Variants in CRYL1 observed in about 807,000 individuals in gnomAD.
CRYL1 encodes lambda-crystallin homolog.
CRYL1 carries 29 observed loss-of-function variants against 36.6 expected under a neutral mutation model. The ratio of observed to expected loss-of-function variants is 0.79; its 90% CI spans 0.59 to 1.08. The LOEUF (loss-of-function observed/expected upper bound fraction) is 1.08. Among genes scored for constraint, CRYL1 ranks in the 50% least tolerant of loss-of-function variants. The probability of loss-of-function intolerance (pLI) is 0.00; values close to 1 mark genes in which losing one functional copy is unlikely to be tolerated. For synonymous variants in CRYL1, 152 were observed against 151.5 expected (o/e 1.00, Z -0.02); for missense variants, 411 against 407.9 (o/e 1.01, Z -0.06).
rs1002265359 is a variant in CRYL1, at chr13:20,525,663, G to A, written c.41+91C>T. 9 of 1,090,848 alleles carry A rather than the reference G, an allele frequency of 8.3e-6. No homozygotes were observed. In the African/African-American group the frequency reaches 1.2e-4, roughly 14 times the overall value. The allele number at this position is 1,090,848 out of a possible 1,614,324, so 67.6% of individuals were successfully genotyped here. On this transcript the variant is annotated intron_variant, in intron 1 of 7. Coordinates refer to ENST00000298248, the MANE Select transcript of CRYL1 (RefSeq NM_015974.3). The surrounding 1 kb of genome is among the most constrained non-coding windows in gnomAD (Gnocchi z 4.3). ...GAGGCCGGGGCGGGGACAGCGACCC[G>A]GCGCCCACCCCGAGGGCCCCACGCG... is the stretch of plus-strand genomic sequence containing the variant.
In CRYL1 at chr13:20,467,821, C is replaced by A. The variant is rs1029294754; in HGVS notation, c.276+21549G>T. On this transcript the variant is annotated intron_variant, in intron 3 of 7. Transcript: ENST00000298248. ...AATACTTCAACACAGGGGTCTGCAA[C>A]GCCCGGTGCCTCAGACTGGTACCGG... Among the ~76,000 whole-genome samples, 8 of 152,278 alleles carry A rather than the reference C, an allele frequency of 5.3e-5. No individual in the cohort carries two copies. In the South Asian group the frequency reaches 1.2e-3, roughly 24 times the overall value.
chr13:20,496,093 G>A (rs769315593), intron 2 of CRYL1, among the ~76,000 whole-genome samples: 21 of 152,144 alleles, frequency 1.4e-4, no homozygotes, highest in East Asian at 3.8e-4. Flanking sequence ...GACCCACCTC[G>A]CCCGGCCTAG....
At position 20,523,232 on chromosome 13, in the gene CRYL1, TAA is replaced by T. The variant is rs532700760; in HGVS notation, c.41+2520_41+2521del. ...ATGCCTGGACTTCTACTCCCATTTTTAAAAGTTATCACTACCAGATTTTCCTG... is the reference window on the plus strand; with the variant it reads ...ATGCCTGGACTTCTACTCCCATTTTTAAGTTATCACTACCAGATTTTCCTG... On this transcript the variant is annotated intron_variant, in intron 1 of 7. Transcript: ENST00000298248. 3.9e-5 allele frequency among the ~76,000 whole-genome samples: 6 copies of T among 152,128 alleles called. No individual in the cohort carries two copies. The South Asian group carries it at 1.2e-3, about 32-fold the overall frequency.
In CRYL1 at chr13:20,425,074, T is replaced by C. The variant is rs1290620081; in HGVS notation, c.633+7028A>G. The stretch of plus-strand genomic sequence containing the variant: ...TGCCAATGTCTGCGCTGTGCTATTT[T>C]ACTCAAGCCTCAACATTTTCCCCCG... On this transcript the variant is annotated intron_variant, in intron 5 of 7. Transcript: ENST00000298248. This position sits in a 1 kb window ranked among gnomAD's most constrained non-coding sequence, Gnocchi z 4.4. Among the ~76,000 whole-genome samples, 1 of 152,188 alleles carries C rather than the reference T, an allele frequency of 6.6e-6. No individual in the cohort carries two copies. The highest frequency in any genetic ancestry group is 1.5e-5 in the Non-Finnish European group (1 of 68,028).
intron 3 of CRYL1, among the ~76,000 whole-genome samples, chr13:20,458,230 G>C (rs1360730141): frequency 6.6e-6 from 1 of 152,146 alleles, no homozygotes; most frequent in African/African-American, 2.4e-5. Context: ...CATTAAATAT[G>C]TTCCCAGACG....
At chr13:20,458,475 T>C (rs2032734028) in intron 3 of CRYL1, among the ~76,000 whole-genome samples, 1 of 152,184 alleles carries the variant, frequency 6.6e-6, no homozygotes, top group Non-Finnish European at 1.5e-5. Flanking sequence ...CTGTGAGCCA[T>C]ACATGCAATT....
chr13:20,509,896 C>T (rs574681286), intron 2 of CRYL1, among the ~76,000 whole-genome samples: 2 of 152,310 alleles, frequency 1.3e-5, no homozygotes, highest in Admixed American at 6.5e-5. Flanking sequence ...TGCCATTGCA[C>T]TCCAGCCTGA....
chr13:20,514,959 C>G (rs2033975924), intron 1 of CRYL1, among the ~76,000 whole-genome samples: 1 of 152,044 alleles, frequency 6.6e-6, no homozygotes, highest in South Asian at 2.1e-4. Flanking sequence ...TTCATAACAG[C>G]TAAATGCAAC....
At chr13:20,465,410 A>T (rs929137047) in intron 3 of CRYL1, among the ~76,000 whole-genome samples, 3 of 152,158 alleles carry the variant, frequency 2.0e-5, no homozygotes, top group Non-Finnish European at 4.4e-5. Flanking sequence ...GAAACACAAG[A>T]TGTCAAAGGT....
intron 3 of CRYL1, among the ~76,000 whole-genome samples, chr13:20,469,059 G>A (rs9315608): frequency 0.82 from 125,020 of 152,150 alleles, 51,496 homozygotes; most frequent in Admixed American, 0.86. Context: ...TCCATCCACC[G>A]TCAGCAGTTT....
chr13:20,507,912 T>C (rs1228474552), intron 2 of CRYL1, among the ~76,000 whole-genome samples: 1 of 137,632 alleles, frequency 7.3e-6, no homozygotes, highest in Non-Finnish European at 1.6e-5. Context: ...AGCAAGACTT[T>C]TCATCTCAAA....
At chr13:20,442,094 G>A (rs189805806) in intron 3 of CRYL1, among the ~76,000 whole-genome samples, 26 of 152,290 alleles carry the variant, frequency 1.7e-4, no homozygotes, top group Admixed American at 1.4e-3. Context: ...TTGTAGCAAA[G>A]CCAGAGACGA....
At position 20,415,093 on chromosome 13, in the gene CRYL1, C is replaced by T. The variant is rs551000220; in HGVS notation, c.634-1706G>A. 5.3e-5 allele frequency among the ~76,000 whole-genome samples: 8 copies of T among 152,150 alleles called. No individual in the cohort carries two copies. The highest frequency in any genetic ancestry group is 8.8e-5 in the Non-Finnish European group (6 of 68,016). ...CGGGCCCGCCTGCCCTCGGCTGAGCCCGGTTTCCCTACCCCGGGGCACCTC... is the reference window on the plus strand; with the variant it reads ...CGGGCCCGCCTGCCCTCGGCTGAGCTCGGTTTCCCTACCCCGGGGCACCTC... On this transcript the variant is annotated intron_variant, in intron 5 of 7. Coordinates refer to ENST00000298248, the MANE Select transcript of CRYL1 (RefSeq NM_015974.3). This position sits in a 1 kb window ranked among gnomAD's most constrained non-coding sequence, Gnocchi z 4.1.
At chr13:20,422,685 G>C (rs888839529) in intron 5 of CRYL1, among the ~76,000 whole-genome samples, 3 of 152,344 alleles carry the variant, frequency 2.0e-5, no homozygotes, top group African/African-American at 7.2e-5. Flanking sequence ...AAAGCCACCA[G>C]CCTTTCTGGA....
chr13:20,478,194 GCT>G (rs1398503627), intron 3 of CRYL1, among the ~76,000 whole-genome samples: 1 of 151,814 alleles, frequency 6.6e-6, no homozygotes, highest in Non-Finnish European at 1.5e-5. Context: ...TTTTGAATGG[GCT>G]TATCATGTTT....
rs867883061 is a variant in CRYL1 at position 20,488,362 on chromosome 13, T to C, written c.276+1008A>G. 3.3e-5 allele frequency among the ~76,000 whole-genome samples: 5 copies of C among 152,328 alleles called. No individual in the cohort carries two copies. In the Middle Eastern group the frequency reaches 0.01, roughly 311 times the overall value. ...CTTCACCATATCAAGAGATAGAGGA[T>C]AATATATTAGAAAGAGATAAGAAGT... On this transcript the variant is annotated intron_variant, in intron 3 of 7. Transcript: ENST00000298248.
chr13:20,437,733 A>C (rs2137400001), intron 4 of CRYL1, among the ~76,000 whole-genome samples: 1 of 152,334 alleles, frequency 6.6e-6, no homozygotes, highest in East Asian at 1.9e-4. Context: ...GTGAGGGAGA[A>C]GAAAGTGACT....
intron 2 of CRYL1, among the ~76,000 whole-genome samples, chr13:20,508,427 C>T (rs573519231): frequency 1.3e-5 from 2 of 152,176 alleles, no homozygotes; most frequent in African/African-American, 2.4e-5. Flanking sequence ...AATTCCTTAA[C>T]ATTCTTTACA....
chr13:20,495,853 A>C (rs906420594), intron 2 of CRYL1, among the ~76,000 whole-genome samples: 3 of 152,230 alleles, frequency 2.0e-5, no homozygotes, highest in Non-Finnish European at 4.4e-5. Flanking sequence ...GCTGGAGTGC[A>C]GTGGCGCAGT....
Sources: allele counts gnomAD v4.1 joint callset (sites outside exome capture counted in the v4.1 genomes callset), GRCh38; gene constraint gnomAD v4.1.1; non-coding constraint Gnocchi (gnomAD v3.1); transcripts MANE v1.5; gene names NCBI Gene and HGNC (gene_info 2026-07-23, HGNC 2026-07-21).